CSPP1: variants seen among roughly 807,000 people sequenced by gnomAD.
The protein encoded by CSPP1 is centrosome and spindle pole-associated protein 1.
Under a neutral mutation model 164.4 loss-of-function variants are expected in CSPP1, and 126 were observed. The observed-to-expected ratio is 0.77, with a 90% CI of 0.66 to 0.89. CSPP1 has a LOEUF of 0.89. Among genes scored for constraint, CSPP1 ranks in the 40% least tolerant of loss-of-function variants. CSPP1 has a pLI of 0.00. For synonymous variants in CSPP1, 472 were observed against 476.7 expected, an observed-to-expected ratio of 0.99 and a Z score of 0.13; for missense variants, 1,395 against 1,449.8, an observed-to-expected ratio of 0.96 and a Z score of 0.61.
At chr8:67,165,693 G>A (rs1304958812) in intron 24 of CSPP1, among the ~76,000 whole-genome samples, 1 of 152,168 alleles carries the variant, frequency 6.6e-6, no homozygotes, top group Admixed American at 6.5e-5. Context: ...AAGAGCACAG[G>A]CATTGTTCTG....
chr8:67,124,575 A>G (rs537203854), intron 15 of CSPP1, among the ~76,000 whole-genome samples: 12 of 152,226 alleles, frequency 7.9e-5, no homozygotes, highest in East Asian at 1.9e-4. Flanking sequence ...ATCATGGCTC[A>G]CTGCAAGCTT....
intron 17 of CSPP1, among the ~76,000 whole-genome samples, chr8:67,144,782 G>A (rs1824166695): frequency 6.6e-6 from 1 of 152,152 alleles, no homozygotes; most frequent in African/African-American, 2.4e-5. Flanking sequence ...GAATTCACCA[G>A]TGAAGGCTGG....
At position 67,166,376 on chromosome 8, in the gene CSPP1, A is replaced by G. The variant is rs141396479; in HGVS notation, c.2828+1868A>G. Among the ~76,000 whole-genome samples, 1,063 of 152,340 alleles carry G rather than the reference A, an allele frequency of 7.0e-3. 38 individuals carry two copies. The highest frequency in any genetic ancestry group is 0.059 in the Admixed American group (899 of 15,298). On this transcript the variant is annotated intron_variant, in intron 24 of 30. Coordinates refer to ENST00000678616, the MANE Select transcript of CSPP1 (RefSeq NM_001382391.1). Reference sequence around the variant, plus strand: ...ATTGTTCCTATGTCTATTTGTATACATATTAAGTTTATGCTGATGTCTGAC... The same window carrying G: ...ATTGTTCCTATGTCTATTTGTATACGTATTAAGTTTATGCTGATGTCTGAC...
At chr8:67,130,189 A>T (rs75536166) in intron 15 of CSPP1, among the ~76,000 whole-genome samples, 7,310 of 152,268 alleles carry the variant, frequency 0.048, 266 homozygotes, top group African/African-American at 0.096. Flanking sequence ...AATCCCTCAG[A>T]TATACCACGG....
intron 22 of CSPP1, 34 bp from the exon 23 acceptor site, chr8:67,163,698 T>A (rs771771408): frequency 1.3e-5 from 20 of 1,539,870 alleles, no homozygotes; most frequent in Admixed American, 8.7e-5. Flanking sequence ...AGGGAAGACA[T>A]ACTGAACATG....
chr8:67,094,432 C>T (rs1359447303), intron 6 of CSPP1, among the ~76,000 whole-genome samples: 1 of 151,662 alleles, frequency 6.6e-6, no homozygotes, highest in South Asian at 2.1e-4. Context: ...TGCCACCACG[C>T]CTGGCTAATT....
chr8:67,135,566 A>G (rs1255818903), intron 16 of CSPP1: 2 of 152,254 alleles, frequency 1.3e-5, no homozygotes, highest in African/African-American at 4.8e-5. Flanking sequence ...CAGCCTTCAT[A>G]GAATTGAAGA....
In CSPP1 at chr8:67,074,242, G is replaced by T. The variant is rs765909612; in HGVS notation, c.-10-1G>T. ...ACGCTCACTGAAATTTTTTTTTAAA[G>T]AATCTGCAAAATGGCTGATAATTTG... On this transcript the variant is annotated splice_acceptor_variant, in intron 1 of 30. Transcript: ENST00000678616. LOFTEE classifies it low-confidence loss of function (5UTR_SPLICE). 1 of 1,592,412 alleles carries T rather than the reference G, an allele frequency of 6.3e-7. No individual in the cohort carries two copies. Among genetic ancestry groups the T allele is most frequent in the Non-Finnish European group, 8.6e-7 (1 of 1,166,584 alleles).
chr8:67,087,779 G>C (rs953923481), intron 4 of CSPP1, among the ~76,000 whole-genome samples: 4 of 152,224 alleles, frequency 2.6e-5, no homozygotes, highest in African/African-American at 9.6e-5. Context: ...ATATGTAATA[G>C]TCAGTGATGA....
chr8:67,189,505 C>G (rs1194920899), intron 28 of CSPP1, among the ~76,000 whole-genome samples: 2 of 152,150 alleles, frequency 1.3e-5, no homozygotes, highest in East Asian at 3.8e-4. Flanking sequence ...TAGAAAGCCC[C>G]ATATCTTATT....
At chr8:67,181,013 A>G in intron 28 of CSPP1, among the ~76,000 whole-genome samples, 1 of 151,712 alleles carries the variant, frequency 6.6e-6, no homozygotes. Context: ...AAATTAACTT[A>G]TATTTTTCTC....
At position 67,153,937 on chromosome 8, in the gene CSPP1, A is replaced by T. The variant is rs1826188161; in HGVS notation, c.2129-87A>T. 1.7e-5 allele frequency: 10 copies of T among 600,228 alleles called. No individual in the cohort carries two copies. In the South Asian group the frequency reaches 2.2e-4, roughly 13 times the overall value. 37.2% of individuals were successfully genotyped at this position (600,228 alleles called of 1,614,324 possible). A position where few individuals can be genotyped will look rare whatever the true frequency, so the allele number is the denominator to read the frequency against. On this transcript the variant is annotated intron_variant, in intron 18 of 30. Transcript: ENST00000678616. Reference sequence around the variant, plus strand: ...TGGACTTTTTTTTTTTTTAAAAATGAATTTATTAGCAAACTGTTCATTCTT... The same window carrying T: ...TGGACTTTTTTTTTTTTTAAAAATGTATTTATTAGCAAACTGTTCATTCTT...
rs771553662 is a variant in CSPP1 at position 67,190,694 on chromosome 8, C to T, written c.3265C>T (p.Pro1089Ser). 2 of 1,614,088 alleles carry T rather than the reference C, an allele frequency of 1.2e-6. No homozygotes were observed. Among genetic ancestry groups the T allele is most frequent in the South Asian group, 1.1e-5 (1 of 91,070 alleles). Reference sequence around the variant, plus strand: ...TCCTGCCATTGAAGATGACGTCCTCCCTCCACCATCACAGTTGCCCTCTGC... The same window carrying T: ...TCCTGCCATTGAAGATGACGTCCTCTCTCCACCATCACAGTTGCCCTCTGC... ...TYPAIEDDVL[P>S]PPSQLPSARE... Residue 1089 changes from proline (P) to serine (S), a missense_variant, in exon 29 of 31, where the codon CCT becomes TCT. Pro to Ser is a moderately conservative substitution (Grantham distance 74). Transcript: ENST00000678616.
At chr8:67,138,250 C>T (rs184340516) in intron 17 of CSPP1, among the ~76,000 whole-genome samples, 1 of 152,222 alleles carries the variant, frequency 6.6e-6, no homozygotes, top group Admixed American at 6.5e-5. Flanking sequence ...TCCATGATCT[C>T]CTGTGAATAC....
At chr8:67,085,209 C>A (rs917327721) in intron 3 of CSPP1, among the ~76,000 whole-genome samples, 4 of 151,786 alleles carry the variant, frequency 2.6e-5, no homozygotes, top group Non-Finnish European at 5.9e-5. Context: ...TACTTAATGC[C>A]ACTGAATTGA....
At chr8:67,136,386 C>T (rs559936536) in intron 16 of CSPP1, among the ~76,000 whole-genome samples, 13 of 151,642 alleles carry the variant, frequency 8.6e-5, no homozygotes, top group Admixed American at 3.9e-4. Context: ...CTGGCTAATG[C>T]GGTGAAACCC....
Position 67,195,705 on chromosome 8 carries a change from C to CATCT in CSPP1, c.*113_*116dup, listed in dbSNP as rs1837804129. Reference sequence around the variant, plus strand: ...TACCTGAAAGTTACTTTTTTTCCATCATCTGTATATAAAATTATTTTTATC... The same window carrying CATCT: ...TACCTGAAAGTTACTTTTTTTCCATCATCTATCTGTATATAAAATTATTTTTATC... On this transcript the variant is annotated 3_prime_UTR_variant, in exon 31 of 31. Transcript: ENST00000678616. The CATCT allele has an allele frequency of 2.7e-6, 2 of 748,040 alleles. No homozygotes were observed. Among genetic ancestry groups the CATCT allele is most frequent in the Admixed American group, 2.7e-5 (1 of 36,860 alleles). 46.3% of individuals were successfully genotyped at this position (748,040 alleles called of 1,614,324 possible). A position where few individuals can be genotyped will look rare whatever the true frequency, so the allele number is the denominator to read the frequency against.
At chr8:67,080,548 C>T (rs1585888481) in intron 3 of CSPP1, among the ~76,000 whole-genome samples, 1 of 152,176 alleles carries the variant, frequency 6.6e-6, no homozygotes, top group African/African-American at 2.4e-5. Flanking sequence ...GCATAGGCCT[C>T]CACAAGACTG....
intron 9 of CSPP1, among the ~76,000 whole-genome samples, chr8:67,108,018 A>ATTTTTTTTTTTTTTTTTTTTTT (rs1815987446): frequency 7.2e-6 from 1 of 139,700 alleles, no homozygotes; most frequent in African/African-American, 2.8e-5. Context: ...GTGGCTCAGA[A>ATTTTTTTTTTTTTTTTTTTTTT]TATAGTCTGT....
Sources: allele counts gnomAD v4.1 joint callset (sites outside exome capture counted in the v4.1 genomes callset), GRCh38; gene constraint gnomAD v4.1.1; transcripts MANE v1.5; gene names NCBI Gene and HGNC (gene_info 2026-07-23, HGNC 2026-07-21).